Variants in CHP1 observed in about 807,000 individuals in gnomAD.
The protein encoded by CHP1 is calcineurin like EF-hand protein 1.
In CHP1, 11 loss-of-function variants were observed where a neutral mutation model predicts 27.4. That is an observed-to-expected ratio of 0.40 (90% confidence interval 0.25 to 0.67). The LOEUF (loss-of-function observed/expected upper bound fraction) is 0.67, where lower values mean the gene tolerates loss of function less well. Ranked by LOEUF, CHP1 falls within the 30% of genes least tolerant of loss-of-function variation. The pLI, the probability that CHP1 is intolerant of heterozygous loss-of-function variation, is 0.38. For missense variants in CHP1, 169 were observed against 251.3 expected, an observed-to-expected ratio of 0.67 and a Z score of 2.22; for synonymous variants, 89 against 87.4, an observed-to-expected ratio of 1.02 and a Z score of -0.10.
intron 4 of CHP1, among the ~76,000 whole-genome samples, chr15:41,268,836 T>TGTAGTCCCAGCTACTC (rs1336406823): frequency 6.6e-6 from 1 of 151,054 alleles, no homozygotes; most frequent in Non-Finnish European, 1.5e-5. Context: ...GGTGGGCGCC[T>TGTAGTCCCAGCTACTC]GTAGTCCCAG....
intron 5 of CHP1, among the ~76,000 whole-genome samples, chr15:41,275,998 T>C (rs917791644): frequency 5.3e-5 from 8 of 152,116 alleles, no homozygotes; most frequent in Admixed American, 1.3e-4. Context: ...CCCAGCACTT[T>C]GGGAGGCCGA....
intron 6 of CHP1, 79 bp from the exon 7 acceptor site, chr15:41,279,257 G>A (rs1440486288): frequency 4.2e-6 from 5 of 1,182,744 alleles, no homozygotes; most frequent in Non-Finnish European, 6.3e-6. Flanking sequence ...AGGAAGGGGG[G>A]AAAACATTAC....
intron 4 of CHP1, among the ~76,000 whole-genome samples, chr15:41,270,266 T>TGGG (rs147322871): frequency 2.7e-5 from 4 of 149,910 alleles, no homozygotes; most frequent in South Asian, 2.1e-4. Context: ...AGGAGTGTTT[T>TGGG]GGGGGGGGGC....
chr15:41,237,925 A>C (rs1031123082), intron 1 of CHP1, among the ~76,000 whole-genome samples: 2 of 151,962 alleles, frequency 1.3e-5, no homozygotes, highest in Non-Finnish European at 2.9e-5. Flanking sequence ...GGCCAGGATG[A>C]TCTTGATCTC....
Position 41,278,794 on chromosome 15 carries a change from A to G in CHP1, c.439A>G (p.Ile147Val). 6.2e-7 allele frequency: 1 copy of G among 1,614,164 alleles called. No homozygotes were observed. The highest frequency in any genetic ancestry group is 8.5e-7 in the Non-Finnish European group (1 of 1,180,016). The stretch of plus-strand genomic sequence containing the variant: ...GCTACGCATGATGGTCGGAGTAAAT[A>G]TCTCAGATGAGCAGCTGGGCAGCAT... ...QVLRMMVGVN[I>V]SDEQLGSIAD... Residue 147 changes from isoleucine (I) to valine (V), a missense_variant, in exon 6 of 7, where the codon ATC (isoleucine) becomes GTC (valine). Coordinates refer to ENST00000334660, the MANE Select transcript of CHP1 (RefSeq NM_007236.5).
At chr15:41,239,918 AG>A (rs1009779974) in intron 1 of CHP1, among the ~76,000 whole-genome samples, 3 of 152,074 alleles carry the variant, frequency 2.0e-5, no homozygotes, top group African/African-American at 7.2e-5. Flanking sequence ...CTGGGACTAC[AG>A]GTGCCTGCCA....
chr15:41,270,642 C>T (rs1237159947), intron 5 of CHP1, 24 bp downstream of exon 5: 6 of 1,592,114 alleles, frequency 3.8e-6, no homozygotes, highest in Non-Finnish European at 5.2e-6. Flanking sequence ...TCCTCGAGAA[C>T]TTGTGCTTGG....
chr15:41,278,426 T>C (rs1261453140), intron 5 of CHP1, among the ~76,000 whole-genome samples: 3 of 151,212 alleles, frequency 2.0e-5, no homozygotes, highest in Non-Finnish European at 2.9e-5. Flanking sequence ...GTCATGGGGG[T>C]TTGATGTACA....
intron 4 of CHP1, among the ~76,000 whole-genome samples, chr15:41,263,520 C>T (rs2047443808): frequency 6.6e-6 from 1 of 152,128 alleles, no homozygotes; most frequent in Non-Finnish European, 1.5e-5. Context: ...AACACTTCTC[C>T]AGGAAATTGA....
intron 4 of CHP1, chr15:41,264,039 C>A (rs2047447090): frequency 2.3e-6 from 1 of 441,170 alleles, no homozygotes; most frequent in South Asian, 1.9e-5. Context: ...GATTCTGTTT[C>A]AAGAACTAGG....
chr15:41,269,469 AC>A (rs2047478123), intron 4 of CHP1, among the ~76,000 whole-genome samples: 1 of 152,040 alleles, frequency 6.6e-6, no homozygotes. Flanking sequence ...GCCTGGAATG[AC>A]CACCCCTTGT....
intron 4 of CHP1, among the ~76,000 whole-genome samples, chr15:41,266,966 C>G (rs1263468678): frequency 6.6e-6 from 1 of 151,808 alleles, no homozygotes; most frequent in Non-Finnish European, 1.5e-5. Context: ...CGCCACTGCA[C>G]TCTAGCTTGG....
intron 4 of CHP1, among the ~76,000 whole-genome samples, chr15:41,268,282 C>T (rs1331173568): frequency 1.3e-5 from 2 of 152,128 alleles, no homozygotes; most frequent in East Asian, 3.9e-4. Flanking sequence ...AAGGCCCAGG[C>T]ACAGTGGCTT....
intron 2 of CHP1, among the ~76,000 whole-genome samples, chr15:41,244,514 G>A (rs762293232): frequency 1.3e-4 from 20 of 152,084 alleles, no homozygotes; most frequent in Non-Finnish European, 2.5e-4. Flanking sequence ...TAGAGCAGTG[G>A]TTCTCATCTG....
At chr15:41,241,310 A>T (rs1185896963) in intron 1 of CHP1, among the ~76,000 whole-genome samples, 1 of 152,242 alleles carries the variant, frequency 6.6e-6, no homozygotes, top group East Asian at 1.9e-4. Context: ...AATGGAGAGT[A>T]ATTAGTGCAG....
intron 2 of CHP1, among the ~76,000 whole-genome samples, chr15:41,244,195 C>CT (rs907494214): frequency 1.1e-5 from 1 of 91,300 alleles, no homozygotes; most frequent in Non-Finnish European, 2.1e-5. Flanking sequence ...AAGACTCCAT[C>CT]TAAAAAAAAA....
intron 4 of CHP1, among the ~76,000 whole-genome samples, chr15:41,268,050 A>G (rs2047470766): frequency 6.6e-6 from 1 of 152,144 alleles, no homozygotes; most frequent in Non-Finnish European, 1.5e-5. Context: ...TTTTAGGCCC[A>G]GGATACAGTG....
chr15:41,251,371 G>T (rs1157851363), intron 2 of CHP1, among the ~76,000 whole-genome samples: 1 of 152,072 alleles, frequency 6.6e-6, no homozygotes, highest in Admixed American at 6.6e-5. Flanking sequence ...TCAGAACAAA[G>T]AATATTTAAA....
chr15:41,260,193 A>G (rs1026871669), intron 3 of CHP1, among the ~76,000 whole-genome samples: 1 of 151,092 alleles, frequency 6.6e-6, no homozygotes, highest in African/African-American at 2.4e-5. Context: ...TTAGGTAACC[A>G]CAGGAACCAG....
Sources: allele counts gnomAD v4.1 joint callset (sites outside exome capture counted in the v4.1 genomes callset), GRCh38; gene constraint gnomAD v4.1.1; transcripts MANE v1.5; gene names NCBI Gene and HGNC (gene_info 2026-07-23, HGNC 2026-07-21).